Variants in BRINP1 observed in about 807,000 individuals in gnomAD.
The protein encoded by BRINP1 is BMP/retinoic acid inducible neural specific 1.
In BRINP1, 17 loss-of-function variants were observed where a neutral mutation model predicts 72.9. The observed-to-expected ratio is 0.23, with a 90% confidence interval of 0.16 to 0.35. The LOEUF (loss-of-function observed/expected upper bound fraction) is 0.35. BRINP1 is among the 10% of genes least tolerant of loss of function. The probability of loss-of-function intolerance (pLI) is 1.00; values close to 1 mark genes in which losing one functional copy is unlikely to be tolerated. For missense variants in BRINP1, 850 were observed against 1,001.6 expected, an observed-to-expected ratio of 0.85 and a Z score of 2.04; for synonymous variants, 418 against 378.5, an observed-to-expected ratio of 1.10 and a Z score of -1.21.
chr9:119,361,929 G>A (rs865787469), intron 1 of BRINP1, among the ~76,000 whole-genome samples: 6 of 149,732 alleles, frequency 4.0e-5, no homozygotes, highest in Admixed American at 6.7e-5. Flanking sequence ...TCAGCCTCCT[G>A]AGTAGCTGGG....
intron 1 of BRINP1, among the ~76,000 whole-genome samples, chr9:119,355,621 C>G (rs1159825309): frequency 6.6e-6 from 1 of 150,712 alleles, no homozygotes; most frequent in African/African-American, 2.4e-5. Flanking sequence ...CCCAGCTACT[C>G]GGGAAGCTGA....
chr9:119,292,559 G>A (rs897369417), intron 2 of BRINP1, among the ~76,000 whole-genome samples: 1 of 152,110 alleles, frequency 6.6e-6, no homozygotes, highest in Non-Finnish European at 1.5e-5. Context: ...AACAAATAGG[G>A]ACTAAGATAG....
chr9:119,246,992 A>G (rs1334789312), intron 3 of BRINP1, among the ~76,000 whole-genome samples: 1 of 152,196 alleles, frequency 6.6e-6, no homozygotes, highest in Non-Finnish European at 1.5e-5. Flanking sequence ...TGAATAATTC[A>G]CCACCTTGCC....
At chr9:119,180,139 T>C (rs1216103226) in intron 7 of BRINP1, among the ~76,000 whole-genome samples, 1 of 152,172 alleles carries the variant, frequency 6.6e-6, no homozygotes, top group African/African-American at 2.4e-5. Flanking sequence ...GGGGAGATCA[T>C]ACAAATCGAG....
At chr9:119,197,016 C>A (rs765396118) in intron 7 of BRINP1, among the ~76,000 whole-genome samples, 1 of 152,194 alleles carries the variant, frequency 6.6e-6, no homozygotes, top group Non-Finnish European at 1.5e-5. Context: ...GCACTTTACC[C>A]GTCACTGAGG....
At position 119,210,362 on chromosome 9, in the gene BRINP1, T is replaced by C. The variant is rs565254836; in HGVS notation, c.923-1421A>G. On this transcript the variant is annotated intron_variant, in intron 6 of 7. Coordinates refer to ENST00000265922, the MANE Select transcript of BRINP1 (RefSeq NM_014618.3). ...ACATTTTAGGTATACTATGCATTTA[T>C]GCTTTCATTTTATTTTAAAAAATGC... 1.7e-3 allele frequency among the ~76,000 whole-genome samples: 257 copies of C among 152,382 alleles called. 2 individuals are homozygous for C. The highest frequency in any genetic ancestry group is 0.014 in the Middle Eastern group (4 of 294).
At chr9:119,225,922 G>A (rs10125794) in intron 5 of BRINP1, among the ~76,000 whole-genome samples, 14,809 of 152,000 alleles carry the variant, frequency 0.097, 880 homozygotes, top group African/African-American at 0.17. Flanking sequence ...AAAACAAATC[G>A]ATTCGACAGT....
At chr9:119,338,880 G>A (rs1280805820) in intron 1 of BRINP1, among the ~76,000 whole-genome samples, 9 of 147,354 alleles carry the variant, frequency 6.1e-5, no homozygotes, top group Non-Finnish European at 1.0e-4. Flanking sequence ...GGGAGACTCC[G>A]TCTCAAAAAA....
At chr9:119,240,984 G>T (rs948102467) in intron 4 of BRINP1, among the ~76,000 whole-genome samples, 1 of 152,206 alleles carries the variant, frequency 6.6e-6, no homozygotes, top group African/African-American at 2.4e-5. Flanking sequence ...AAAACCCTCA[G>T]AAGAGCAAAC....
intron 1 of BRINP1, among the ~76,000 whole-genome samples, chr9:119,340,791 A>G (rs1023565300): frequency 6.6e-6 from 1 of 152,212 alleles, no homozygotes; most frequent in African/African-American, 2.4e-5. Flanking sequence ...TCACAAGGCA[A>G]ATCTTCCTTA....
intron 3 of BRINP1, among the ~76,000 whole-genome samples, chr9:119,246,098 T>C (rs1215841185): frequency 6.6e-6 from 1 of 152,222 alleles, no homozygotes; most frequent in East Asian, 1.9e-4. Flanking sequence ...TTTTGCAATA[T>C]GCATGAAGGA....
chr9:119,354,079 T>G (rs1831534084), intron 1 of BRINP1, among the ~76,000 whole-genome samples: 1 of 152,078 alleles, frequency 6.6e-6, no homozygotes, highest in African/African-American at 2.4e-5. Flanking sequence ...CTTATTATTC[T>G]TTGGTAATTT....
intron 1 of BRINP1, among the ~76,000 whole-genome samples, chr9:119,365,980 C>T (rs909540465): frequency 6.6e-6 from 1 of 152,196 alleles, no homozygotes; most frequent in Non-Finnish European, 1.5e-5. Flanking sequence ...AGTCTAAGAG[C>T]ACGCTTTTGA....
intron 1 of BRINP1, among the ~76,000 whole-genome samples, chr9:119,353,822 CTTTTTT>C (rs138900910): frequency 1.6e-4 from 5 of 30,958 alleles, no homozygotes; most frequent in Admixed American, 5.4e-4. Flanking sequence ...GTTTTGAGCA[CTTTTTT>C]TTTTTTTTTT....
intron 2 of BRINP1, among the ~76,000 whole-genome samples, chr9:119,292,769 A>G (rs563312267): frequency 6.6e-6 from 1 of 152,318 alleles, no homozygotes; most frequent in South Asian, 2.1e-4. Context: ...AAAGGTCTGC[A>G]AGATGTACAC....
intron 2 of BRINP1, among the ~76,000 whole-genome samples, chr9:119,290,600 G>A (rs778716363): frequency 6.6e-6 from 1 of 152,138 alleles, no homozygotes; most frequent in Non-Finnish European, 1.5e-5. Flanking sequence ...TTGAAGGAGA[G>A]ATGAAAACTG....
At chr9:119,306,156 A>C (rs749753718) in intron 2 of BRINP1, among the ~76,000 whole-genome samples, 3 of 152,208 alleles carry the variant, frequency 2.0e-5, no homozygotes, top group Non-Finnish European at 4.4e-5. Flanking sequence ...ATTGTTCTGT[A>C]GAAATTGTAG....
rs1386453683 is a variant in BRINP1, at chr9:119,309,763, CCTCTGTCCTTCACTCCTAA to C, written c.218+3356_218+3374del. Reference sequence around the variant, plus strand: ...TTGTTTCATTATTCACTTTTTATGCCCTCTGTCCTTCACTCCTAACTCTGAGCTGGGTGGAGGAGGGGGC... The same window carrying C: ...TTGTTTCATTATTCACTTTTTATGCCCTCTGAGCTGGGTGGAGGAGGGGGC... On this transcript the variant is annotated intron_variant, in intron 2 of 7. Coordinates refer to ENST00000265922, the MANE Select transcript of BRINP1 (RefSeq NM_014618.3). Among the ~76,000 whole-genome samples the C allele has an allele frequency of 1.8e-4, 27 of 152,072 alleles. No homozygotes were observed. The South Asian group carries it at 5.0e-3, about 28-fold the overall frequency.
At chr9:119,354,765 A>C (rs1321687265) in intron 1 of BRINP1, among the ~76,000 whole-genome samples, 1 of 152,168 alleles carries the variant, frequency 6.6e-6, no homozygotes, top group African/African-American at 2.4e-5. Flanking sequence ...GCTACATAAG[A>C]GGCTGAAGCA....
Sources: allele counts gnomAD v4.1 joint callset (sites outside exome capture counted in the v4.1 genomes callset), GRCh38; gene constraint gnomAD v4.1.1; transcripts MANE v1.5; gene names NCBI Gene and HGNC (gene_info 2026-07-23, HGNC 2026-07-21).